UGCG: variants seen among roughly 807,000 people sequenced by gnomAD.
UGCG encodes ceramide glucosyltransferase.
In UGCG, 10 loss-of-function variants were observed where a neutral mutation model predicts 49.5. That is an observed-to-expected ratio of 0.20 (90% CI 0.12 to 0.34). The LOEUF (loss-of-function observed/expected upper bound fraction) is 0.34. Among genes scored for constraint, UGCG ranks in the 10% least tolerant of loss-of-function variants. The pLI is 1.00. For missense variants in UGCG, 312 were observed against 483.7 expected (o/e 0.65, Z 3.33); for synonymous variants, 182 against 158.2 (o/e 1.15, Z -1.13).
intron 2 of UGCG, among the ~76,000 whole-genome samples, chr9:111,917,122 G>A (rs1838126583): frequency 6.6e-6 from 1 of 152,180 alleles, no homozygotes; most frequent in African/African-American, 2.4e-5. Flanking sequence ...TGAGGAGAAA[G>A]CTATTTTGAC....
At chr9:111,915,931 G>A (rs1319261993) in intron 2 of UGCG, 1 of 691,408 alleles carries the variant, frequency 1.4e-6, no homozygotes, top group African/African-American at 2.0e-5. Flanking sequence ...TGGAGTATTG[G>A]AAGCTGTTTT....
At chr9:111,918,360 A>G (rs1838148947) in intron 2 of UGCG, among the ~76,000 whole-genome samples, 1 of 152,176 alleles carries the variant, frequency 6.6e-6, no homozygotes, top group African/African-American at 2.4e-5. Context: ...CAATTTTAAT[A>G]CAGGGATTCT....
chr9:111,908,945 C>T (rs1837942779), intron 1 of UGCG, among the ~76,000 whole-genome samples: 1 of 152,230 alleles, frequency 6.6e-6, no homozygotes, highest in African/African-American at 2.4e-5. Context: ...CCCTCCCTCT[C>T]TCCCTCTCTG....
intron 1 of UGCG, among the ~76,000 whole-genome samples, chr9:111,903,261 G>T (rs960151657): frequency 6.6e-6 from 1 of 152,228 alleles, no homozygotes; most frequent in African/African-American, 2.4e-5. Flanking sequence ...AACTGTAAAA[G>T]AAGTTATTTA....
In UGCG at chr9:111,914,490, G is replaced by A. The variant is rs1838075380; in HGVS notation, c.99-115G>A. The A allele has an allele frequency of 6.5e-6, 7 of 1,081,302 alleles. No individual in the cohort carries two copies. The South Asian group carries it at 1.2e-4, about 18-fold the overall frequency. The allele number at this position is 1,081,302 out of a possible 1,614,324, so 67.0% of individuals were successfully genotyped here. A position where few individuals can be genotyped will look rare whatever the true frequency, so the allele number is the denominator to read the frequency against. ...TGTTTAGATCCTCTTTTAGAAAGAT[G>A]TCAAGTTTTAAAAATCTTAACTTAG... On this transcript the variant is annotated intron_variant, in intron 1 of 8. Transcript: ENST00000374279.
At position 111,933,417 on chromosome 9, in the gene UGCG, T is replaced by C. The variant is rs1265855524; in HGVS notation, c.*420T>C. 6.6e-6 allele frequency: 1 copy of C among 152,216 alleles called. No homozygotes were observed. Among genetic ancestry groups the C allele is most frequent in the Non-Finnish European group, 1.5e-5 (1 of 68,078 alleles). 9.4% of individuals were successfully genotyped at this position (152,216 alleles called of 1,614,324 possible). On this transcript the variant is annotated 3_prime_UTR_variant, in exon 9 of 9. Transcript: ENST00000374279. ...CAGCTTTGCTTTAGAGTTTAGAAGA[T>C]AATAGAAGGAATGACTATTCATGTC...
At chr9:111,905,456 ACT>A (rs1013938496) in intron 1 of UGCG, among the ~76,000 whole-genome samples, 1 of 141,412 alleles carries the variant, frequency 7.1e-6, no homozygotes, top group African/African-American at 2.6e-5. Context: ...TTCATGCATT[ACT>A]CTTTTTTTTT....
chr9:111,907,129 G>A (rs1837901310), intron 1 of UGCG, among the ~76,000 whole-genome samples: 1 of 152,170 alleles, frequency 6.6e-6, no homozygotes, highest in Admixed American at 6.5e-5. Flanking sequence ...TGGTCCATGG[G>A]CCACACTTGG....
chr9:111,906,308 C>T (rs893839261), intron 1 of UGCG, among the ~76,000 whole-genome samples: 2 of 152,214 alleles, frequency 1.3e-5, no homozygotes, highest in Non-Finnish European at 2.9e-5. Flanking sequence ...GTATACCCCT[C>T]ATTATCCCTC....
At chr9:111,908,040 G>A (rs897582633) in intron 1 of UGCG, among the ~76,000 whole-genome samples, 2 of 151,004 alleles carry the variant, frequency 1.3e-5, no homozygotes, top group African/African-American at 4.9e-5. Flanking sequence ...TTTCAGGTGG[G>A]AGAGAGTAAA....
At chr9:111,923,391 G>T in intron 3 of UGCG, among the ~76,000 whole-genome samples, 1 of 151,322 alleles carries the variant, frequency 6.6e-6, no homozygotes. Flanking sequence ...TAGAGCTGAT[G>T]TGGTCTCTCT....
At chr9:111,932,619 A>G (rs1038680732) in intron 8 of UGCG, among the ~76,000 whole-genome samples, 1 of 152,246 alleles carries the variant, frequency 6.6e-6, no homozygotes, top group African/African-American at 2.4e-5. Flanking sequence ...ATTGAAACTA[A>G]TAAGACATTA....
chr9:111,929,464 A>C, intron 5 of UGCG, 36 bp from the exon 6 acceptor site: 2 of 1,575,844 alleles, frequency 1.3e-6, no homozygotes, highest in Non-Finnish European at 1.7e-6. Context: ...TTTAACATGA[A>C]ATTCTAATCA....
intron 1 of UGCG, among the ~76,000 whole-genome samples, chr9:111,911,791 G>C (rs781574434): frequency 1.3e-5 from 2 of 150,874 alleles, no homozygotes; most frequent in African/African-American, 2.4e-5. Flanking sequence ...CCTAGCTACT[G>C]GGGAGGCTAA....
At chr9:111,932,415 CAATTTAGAAAAAGTTGAAGGA>C (rs1368704134) in intron 8 of UGCG, 56 bp downstream of exon 8, 242 of 1,499,210 alleles carry the variant, frequency 1.6e-4, no homozygotes, top group Non-Finnish European at 2.0e-4. Flanking sequence ...AGAACTATTT[CAATTTAGAAAAAGTTGAAGGA>C]AATGTATCTG....
intron 1 of UGCG, among the ~76,000 whole-genome samples, chr9:111,906,302 A>G (rs970517994): frequency 6.6e-6 from 1 of 152,144 alleles, no homozygotes; most frequent in African/African-American, 2.4e-5. Context: ...ACCCAGGTAT[A>G]CCCCTCATTA....
chr9:111,931,714 T>C (rs1225008954), intron 7 of UGCG, among the ~76,000 whole-genome samples: 2 of 151,926 alleles, frequency 1.3e-5, no homozygotes, highest in South Asian at 2.1e-4. Flanking sequence ...TAGACAAAAA[T>C]AGAAAAGAGA....
chr9:111,901,246 A>G (rs921695739), intron 1 of UGCG, among the ~76,000 whole-genome samples: 1 of 152,218 alleles, frequency 6.6e-6, no homozygotes, highest in Admixed American at 6.5e-5. Context: ...TTTTTCATGT[A>G]AATTTTAGCA....
chr9:111,928,164 G>A (rs1257677945), intron 5 of UGCG, among the ~76,000 whole-genome samples: 1 of 152,216 alleles, frequency 6.6e-6, no homozygotes, highest in Admixed American at 6.5e-5. Flanking sequence ...AAGGTACATT[G>A]TGGGAACTTG....
Sources: gnomAD v4.1 joint callset for allele counts (sites outside exome capture counted in the v4.1 genomes callset) on GRCh38, gnomAD v4.1.1 for gene constraint, MANE v1.5 for transcripts, NCBI Gene and HGNC (gene_info 2026-07-23, HGNC 2026-07-21) for gene names.